The following ZNF385D variants were observed in gnomAD, a reference collection of about 807,000 sequenced individuals.
The protein encoded by ZNF385D is zinc finger protein 385D.
Under a neutral mutation model 35.8 loss-of-function variants are expected in ZNF385D, and 15 were observed. The observed-to-expected ratio is 0.42, with a 90% CI of 0.28 to 0.64. The LOEUF is 0.64. ZNF385D is among the 30% of genes least tolerant of loss of function. The pLI is 0.23. For synonymous variants in ZNF385D, 212 were observed against 186.8 expected (o/e 1.13, Z -1.10); for missense variants, 474 against 494.6 (o/e 0.96, Z 0.39).
At chr3:22,263,882 A>T (rs948108591) in intron 2 of ZNF385D, among the ~76,000 whole-genome samples, 1 of 152,098 alleles carries the variant, frequency 6.6e-6, no homozygotes, top group Middle Eastern at 3.4e-3. Flanking sequence ...CATGCAAAAA[A>T]TAATTTACTG....
intron 3 of ZNF385D, among the ~76,000 whole-genome samples, chr3:21,514,809 C>T (rs903465876): frequency 5.9e-5 from 9 of 152,058 alleles, no homozygotes; most frequent in East Asian, 1.9e-4. Flanking sequence ...AATTAAACTC[C>T]GCTAAATTTA....
At chr3:21,692,641 C>G (rs2067319713) in intron 1 of ZNF385D, among the ~76,000 whole-genome samples, 1 of 152,330 alleles carries the variant, frequency 6.6e-6, no homozygotes, top group East Asian at 1.9e-4. Flanking sequence ...TTGCTGCACT[C>G]TACGCAGAAT....
intron 2 of ZNF385D, among the ~76,000 whole-genome samples, chr3:22,207,589 T>A (rs1050349189): frequency 6.6e-6 from 1 of 151,836 alleles, no homozygotes; most frequent in African/African-American, 2.4e-5. Flanking sequence ...AATAGACAAA[T>A]GGGATGACAT....
intron 3 of ZNF385D, among the ~76,000 whole-genome samples, chr3:21,833,312 T>C (rs963729711): frequency 4.6e-5 from 7 of 152,204 alleles, no homozygotes; most frequent in Middle Eastern, 3.2e-3. Context: ...GTATTAATAT[T>C]ACCTTGTATG....
chr3:21,670,563 T>C (rs929401765), intron 1 of ZNF385D, among the ~76,000 whole-genome samples: 4 of 146,304 alleles, frequency 2.7e-5, no homozygotes, highest in African/African-American at 7.6e-5. Context: ...ATAGTAGGCA[T>C]AAAAACTTTA....
At chr3:21,990,426 A>C (rs1695085830) in intron 3 of ZNF385D, among the ~76,000 whole-genome samples, 1 of 152,244 alleles carries the variant, frequency 6.6e-6, no homozygotes, top group South Asian at 2.1e-4. Context: ...GCAAGAGCTC[A>C]TAATATTGCC....
At chr3:21,500,120 G>T (rs970236777) in intron 4 of ZNF385D, among the ~76,000 whole-genome samples, 1 of 152,092 alleles carries the variant, frequency 6.6e-6, no homozygotes, top group Non-Finnish European at 1.5e-5. Context: ...CAGCCCAATG[G>T]TGGCACATTC....
intron 3 of ZNF385D, chr3:21,958,839 T>C (rs934967809): frequency 3.9e-5 from 6 of 152,140 alleles, no homozygotes; most frequent in South Asian, 2.1e-4. Flanking sequence ...CAGATCCATC[T>C]ACAAGTATAT....
At chr3:22,121,215 C>T (rs138727012) in intron 3 of ZNF385D, among the ~76,000 whole-genome samples, 3 of 152,200 alleles carry the variant, frequency 2.0e-5, no homozygotes, top group African/African-American at 4.8e-5. Context: ...ACTGTCTTAG[C>T]GATCTGTAAA....
intron 3 of ZNF385D, among the ~76,000 whole-genome samples, chr3:21,822,194 C>A (rs1694291120): frequency 6.6e-6 from 1 of 152,094 alleles, no homozygotes; most frequent in East Asian, 1.9e-4. Flanking sequence ...GCCTCAGCCT[C>A]CCTAGTAGCT....
chr3:21,855,766 C>T lies in ZNF385D; in HGVS notation c.326-190738G>A, dbSNP rs2125819756. On this transcript the variant is annotated intron_variant, in intron 3 of 5. Transcript: ENST00000494108. ...TTAAAGTAATAACTTAAGTAAACTC[C>T]TCTTCACTGTAGATACAGTTTAAGG... Among the ~76,000 whole-genome samples the T allele has an allele frequency of 2.0e-5, 3 of 152,120 alleles. No individual in the cohort carries two copies. The South Asian group carries it at 6.2e-4, about 31-fold the overall frequency.
At chr3:21,675,494 G>A (rs752253454) in intron 1 of ZNF385D, among the ~76,000 whole-genome samples, 32 of 152,014 alleles carry the variant, frequency 2.1e-4, no homozygotes, top group Non-Finnish European at 3.8e-4. Flanking sequence ...GTTAGTAAGT[G>A]GTAGAGCCAG....
At chr3:21,562,826 G>A (rs1181022646) in intron 3 of ZNF385D, among the ~76,000 whole-genome samples, 1 of 34,000 alleles carries the variant, frequency 2.9e-5, no homozygotes, top group Admixed American at 2.2e-4. Context: ...TGTATTAAGA[G>A]GACTCTTTTT....
intron 3 of ZNF385D, among the ~76,000 whole-genome samples, chr3:21,960,858 T>C (rs9828689): frequency 0.68 from 104,067 of 151,992 alleles, 36,796 homozygotes; most frequent in Non-Finnish European, 0.77. Context: ...CTCGCTCACA[T>C]GTGGGAGCTA....
In ZNF385D at chr3:21,420,217, A is replaced by G. The variant is rs953361648; in HGVS notation, c.*997T>C. The stretch of plus-strand genomic sequence containing the variant: ...ACCCTACTGGTATGATATAAAGGGG[A>G]TACTGCAGAGATGCAACATTCTCCG... On this transcript the variant is annotated 3_prime_UTR_variant, in exon 8 of 8. Transcript: ENST00000281523. 1 of 152,208 alleles carries G rather than the reference A, an allele frequency of 6.6e-6. No individual in the cohort carries two copies. The highest frequency in any genetic ancestry group is 1.5e-5 in the Non-Finnish European group (1 of 68,034). 9.4% of individuals were successfully genotyped at this position (152,208 alleles called of 1,614,324 possible).
intron 3 of ZNF385D, among the ~76,000 whole-genome samples, chr3:21,514,483 G>A (rs1386958802): frequency 2.6e-5 from 4 of 152,156 alleles, no homozygotes; most frequent in Middle Eastern, 3.4e-3. Flanking sequence ...AAAAGTTTCC[G>A]CATACATAGT....
upstream of ZNF385D, among the ~76,000 whole-genome samples, chr3:21,754,339 G>C (rs1466857405): frequency 6.6e-6 from 1 of 152,128 alleles, no homozygotes; most frequent in Non-Finnish European, 1.5e-5. Flanking sequence ...ACCTTTACCT[G>C]TCTCTAAGAA....
intron 3 of ZNF385D, among the ~76,000 whole-genome samples, chr3:22,030,296 T>G (rs1310686687): frequency 1.0e-5 from 1 of 100,206 alleles, no homozygotes; most frequent in African/African-American, 4.2e-5. Flanking sequence ...TATATATATA[T>G]ATATATCCTA....
At chr3:21,496,515 T>TAC (rs1175263217) in intron 4 of ZNF385D, among the ~76,000 whole-genome samples, 3 of 119,186 alleles carry the variant, frequency 2.5e-5, no homozygotes, top group African/African-American at 1.0e-4. Context: ...CATATATATA[T>TAC]ACACATATAT....
Sources: allele counts gnomAD v4.1 joint callset (sites outside exome capture counted in the v4.1 genomes callset), GRCh38; gene constraint gnomAD v4.1.1; transcripts MANE v1.5; gene names NCBI Gene and HGNC (gene_info 2026-07-23, HGNC 2026-07-21).